Variants in SETBP1 observed in about 807,000 individuals in gnomAD.
SETBP1 encodes SET-binding protein.
Under a neutral mutation model 101.0 loss-of-function variants are expected in SETBP1, and 9 were observed. The ratio of observed to expected loss-of-function variants is 0.09; its 90% CI spans 0.05 to 0.16. SETBP1 has a LOEUF of 0.16. SETBP1 is among the 10% of genes least tolerant of loss of function. The pLI is 1.00. For synonymous variants in SETBP1, 818 were observed against 788.5 expected (o/e 1.04, Z -0.63); for missense variants, 1,858 against 2,033.8 (o/e 0.91, Z 1.66).
chr18:44,779,621 GGA>G (rs999266517), intron 2 of SETBP1, among the ~76,000 whole-genome samples: 2 of 152,066 alleles, frequency 1.3e-5, no homozygotes, highest in African/African-American at 2.4e-5. Context: ...GAGAGGAGAG[GGA>G]GAGAGAAAGG....
intron 2 of SETBP1, among the ~76,000 whole-genome samples, chr18:44,800,330 G>A (rs1021799674): frequency 6.6e-6 from 1 of 152,082 alleles, no homozygotes; most frequent in Non-Finnish European, 1.5e-5. Flanking sequence ...TTTGGGGGCT[G>A]GGAGTCCTTT....
chr18:44,804,234 G>A (rs1012128470), intron 2 of SETBP1, among the ~76,000 whole-genome samples: 2 of 152,132 alleles, frequency 1.3e-5, no homozygotes, highest in African/African-American at 4.8e-5. Context: ...GTGAGTCAGT[G>A]TGTGACATTT....
chr18:44,944,655 T>A (rs1270081109), intron 3 of SETBP1, among the ~76,000 whole-genome samples: 1 of 152,232 alleles, frequency 6.6e-6, no homozygotes, highest in Non-Finnish European at 1.5e-5. Flanking sequence ...AGGCATATTT[T>A]CCTGCTCATG....
At position 44,817,386 on chromosome 18, in the gene SETBP1, G is replaced by T. The variant is rs1450612649; in HGVS notation, c.487-51844G>T. On this transcript the variant is annotated intron_variant, in intron 2 of 5. Coordinates refer to ENST00000649279, the MANE Select transcript of SETBP1 (RefSeq NM_015559.3). ...CCACCTCCACGCAGAACACAGGCAA[G>T]AATCTAGCCCAGTAAAGAGCTTCAA... Among the ~76,000 whole-genome samples the T allele has an allele frequency of 2.0e-5, 3 of 152,038 alleles. No individual in the cohort carries two copies. In the South Asian group the frequency reaches 6.2e-4, roughly 32 times the overall value.
intron 2 of SETBP1, among the ~76,000 whole-genome samples, chr18:44,710,766 C>A (rs1275036439): frequency 6.6e-6 from 1 of 152,162 alleles, no homozygotes; most frequent in Non-Finnish European, 1.5e-5. Flanking sequence ...TTTCTAATAT[C>A]TGCAATAAAC....
intron 2 of SETBP1, among the ~76,000 whole-genome samples, chr18:44,851,386 G>A (rs1312541813): frequency 1.3e-5 from 2 of 152,158 alleles, no homozygotes; most frequent in African/African-American, 4.8e-5. Flanking sequence ...GATGAGGTCT[G>A]GGCTGAGATC....
chr18:44,711,659 A>T (rs1333707667), intron 2 of SETBP1, among the ~76,000 whole-genome samples: 1 of 149,966 alleles, frequency 6.7e-6, no homozygotes. Context: ...CTGAGTAGCT[A>T]GTACTGCAGG....
chr18:44,995,727 G>A (rs1458036975), intron 4 of SETBP1, among the ~76,000 whole-genome samples: 1 of 152,114 alleles, frequency 6.6e-6, no homozygotes, highest in African/African-American at 2.4e-5. Flanking sequence ...GACCTTCTTG[G>A]TGCATCCTCA....
chr18:45,014,431 C>T (rs556606960), intron 4 of SETBP1, among the ~76,000 whole-genome samples: 329 of 152,314 alleles, frequency 2.2e-3, no homozygotes, highest in African/African-American at 7.6e-3. Flanking sequence ...CATCCTCCTG[C>T]TGTTGGATCA....
chr18:44,845,189 T>C (rs1315911676), intron 2 of SETBP1, among the ~76,000 whole-genome samples: 1 of 152,116 alleles, frequency 6.6e-6, no homozygotes. Context: ...TTGAGTGTGG[T>C]TATTGGGCCA....
In SETBP1 at chr18:45,063,502, CACCGCCGCCA is replaced by C; in HGVS notation, c.4596_4605del (p.Pro1533HisfsTer44). The C allele has an allele frequency of 7.0e-7, 1 of 1,419,242 alleles. No individual in the cohort carries two copies. Among genetic ancestry groups the C allele is most frequent in the Non-Finnish European group, 9.2e-7 (1 of 1,083,538 alleles). The allele number at this position is 1,419,242 out of a possible 1,614,324, so 87.9% of individuals were successfully genotyped here. A position where few individuals can be genotyped will look rare whatever the true frequency, so the allele number is the denominator to read the frequency against. ...CCGCCACCGCCGCCGCCCCTGCCGCCACCGCCGCCACCACCCCTGCCCCCGCCACCCCCTC... is the reference window on the plus strand; with the variant it reads ...CCGCCACCGCCGCCGCCCCTGCCGCCCCACCCCTGCCCCCGCCACCCCCTC... On this transcript the variant is annotated frameshift_variant, in exon 6 of 6. Transcript: ENST00000649279. LOFTEE classifies it high-confidence loss of function.
intron 2 of SETBP1, among the ~76,000 whole-genome samples, chr18:44,748,627 G>A (rs17710691): frequency 0.21 from 31,892 of 152,196 alleles, 3,477 homozygotes; most frequent in Non-Finnish European, 0.24. Flanking sequence ...AGGGTTGTGC[G>A]TGTGCAGGCA....
intron 3 of SETBP1, among the ~76,000 whole-genome samples, chr18:44,880,540 A>C (rs2069506840): frequency 6.6e-6 from 1 of 152,156 alleles, no homozygotes; most frequent in Non-Finnish European, 1.5e-5. Flanking sequence ...AGACTGAGTA[A>C]TTTATTTAAA....
intron 4 of SETBP1, among the ~76,000 whole-genome samples, chr18:44,965,735 T>C (rs2071708648): frequency 6.6e-6 from 1 of 152,212 alleles, no homozygotes. Flanking sequence ...CTTCCTCCAT[T>C]ATTTTTGAAT....
intron 1 of SETBP1, among the ~76,000 whole-genome samples, chr18:44,688,450 T>C (rs915607390): frequency 2.0e-5 from 3 of 152,130 alleles, no homozygotes; most frequent in Non-Finnish European, 2.9e-5. Flanking sequence ...CTGTGACCTA[T>C]TGTTATTTGA....
rs1275832419 is a variant in SETBP1 at position 44,950,636 on chromosome 18, G to T, written c.1296G>T (p.Met432Ile). 1 of 1,614,108 alleles carries T rather than the reference G, an allele frequency of 6.2e-7. No individual in the cohort carries two copies. The highest frequency in any genetic ancestry group is 1.1e-5 in the South Asian group (1 of 91,078). The change falls in exon 4 of 6, where the codon ATG becomes ATT. Residue 432 changes from methionine (M) to isoleucine (I), a missense_variant. Coordinates refer to ENST00000649279, the MANE Select transcript of SETBP1 (RefSeq NM_015559.3). Reference protein sequence around the residue: ...QSIKAVVEKIMPEKALASGIT... With the variant: ...QSIKAVVEKIIPEKALASGIT... ...TTAAAGCGGTGGTGGAAAAGATCAT[G>T]CCAGAGAAAGCCTTGGCTTCTGGAA... is the stretch of plus-strand genomic sequence containing the variant.
In SETBP1 at chr18:44,757,137, T is replaced by A. The variant is rs1034922066; in HGVS notation, c.486+55305T>A. Among the ~76,000 whole-genome samples, 4 of 152,102 alleles carry A rather than the reference T, an allele frequency of 2.6e-5. No homozygotes were observed. In the East Asian group the frequency reaches 7.7e-4, roughly 29 times the overall value. On this transcript the variant is annotated intron_variant, in intron 2 of 5. Transcript: ENST00000649279. ...GTTGTTAGGATGAGCCCCTATGATA[T>A]TGTCAACAGCATCAGGTGATTTAGG...
chr18:44,759,910 C>A (rs2070600711), intron 2 of SETBP1, among the ~76,000 whole-genome samples: 1 of 152,158 alleles, frequency 6.6e-6, no homozygotes, highest in African/African-American at 2.4e-5. Flanking sequence ...ACCAATTAAA[C>A]CAGAAAATCA....
At chr18:44,745,832 A>T (rs1270626628) in intron 2 of SETBP1, among the ~76,000 whole-genome samples, 1 of 152,188 alleles carries the variant, frequency 6.6e-6, no homozygotes, top group Non-Finnish European at 1.5e-5. Flanking sequence ...AGGCTCCTGG[A>T]GGAGGTGGTG....
Sources: allele counts gnomAD v4.1 joint callset (sites outside exome capture counted in the v4.1 genomes callset), GRCh38; gene constraint gnomAD v4.1.1; transcripts MANE v1.5; gene names NCBI Gene and HGNC (gene_info 2026-07-23, HGNC 2026-07-21).